The following ENDOD1 variants were observed in gnomAD, a reference collection of about 807,000 sequenced individuals.
ENDOD1 encodes endonuclease domain containing 1, also known as endonuclease domain-containing 1 protein.
Under a neutral mutation model 6.5 loss-of-function variants are expected in ENDOD1, and 9 were observed. That is an observed-to-expected ratio of 1.39 (90% confidence interval 0.84 to 2.43). The LOEUF (loss-of-function observed/expected upper bound fraction) is 2.43. ENDOD1 is among the 30% of genes most tolerant of loss of function. ENDOD1 has a pLI of 0.00. For synonymous variants in ENDOD1, 255 were observed against 255.2 expected, an observed-to-expected ratio of 1.00 and a Z score of 0.01; for missense variants, 648 against 635.5, an observed-to-expected ratio of 1.02 and a Z score of -0.21.
intron 1 of ENDOD1, among the ~76,000 whole-genome samples, chr11:95,095,039 GCACGCA>G (rs1555110163): frequency 1.5e-5 from 2 of 135,300 alleles, no homozygotes; most frequent in Non-Finnish European, 3.0e-5. Flanking sequence ...CTAGGCGTGT[GCACGCA>G]CACACACACA....
At chr11:95,100,922 A>G (rs565174479) in intron 1 of ENDOD1, among the ~76,000 whole-genome samples, 1 of 113,428 alleles carries the variant, frequency 8.8e-6, no homozygotes, top group South Asian at 3.0e-4. Context: ...TCAACTGCCC[A>G]TGATACTCTC....
At chr11:95,093,241 T>C (rs782407843) in intron 1 of ENDOD1, among the ~76,000 whole-genome samples, 5 of 152,250 alleles carry the variant, frequency 3.3e-5, no homozygotes, top group Non-Finnish European at 7.3e-5. Context: ...TTTCTCACCA[T>C]GCTCCACCCT....
At chr11:95,106,472 T>C (rs1859090325) in intron 1 of ENDOD1, among the ~76,000 whole-genome samples, 1 of 152,198 alleles carries the variant, frequency 6.6e-6, no homozygotes, top group Admixed American at 6.5e-5. Context: ...GGGAGGCCTA[T>C]GAATATGCCA....
At chr11:95,090,938 A>G (rs1300273308) in intron 1 of ENDOD1, among the ~76,000 whole-genome samples, 1 of 151,312 alleles carries the variant, frequency 6.6e-6, no homozygotes, top group Non-Finnish European at 1.5e-5. Flanking sequence ...GTTAAAAATG[A>G]TAGGGAAACA....
At chr11:95,105,278 G>A (rs1455585264) in intron 1 of ENDOD1, among the ~76,000 whole-genome samples, 1 of 152,130 alleles carries the variant, frequency 6.6e-6, no homozygotes, top group Non-Finnish European at 1.5e-5. Flanking sequence ...TCATGCTCAA[G>A]TCCCTTATGT....
At chr11:95,104,023 T>G (rs563697136) in intron 1 of ENDOD1, among the ~76,000 whole-genome samples, 1 of 152,216 alleles carries the variant, frequency 6.6e-6, no homozygotes, top group Non-Finnish European at 1.5e-5. Flanking sequence ...CAGCTTTTAG[T>G]CTGGATTCAG....
chr11:95,125,816 G>T (rs1232330091), intron 1 of ENDOD1, among the ~76,000 whole-genome samples: 1 of 152,112 alleles, frequency 6.6e-6, no homozygotes, highest in Admixed American at 6.6e-5. Context: ...GTGTATATGT[G>T]CCACAGTTTC....
chr11:95,098,466 A>G (rs1388690975), intron 1 of ENDOD1, among the ~76,000 whole-genome samples: 1 of 152,220 alleles, frequency 6.6e-6, no homozygotes, highest in Non-Finnish European at 1.5e-5. Context: ...AACCCAGCAC[A>G]TTAATTATGT....
intron 1 of ENDOD1, among the ~76,000 whole-genome samples, chr11:95,108,015 G>A (rs1859108103): frequency 6.6e-6 from 1 of 152,148 alleles, no homozygotes; most frequent in Admixed American, 6.6e-5. Flanking sequence ...GAAACTCCTC[G>A]CTGTGTGTGA....
chr11:95,128,272 G>A, intron 1 of ENDOD1, 105 bp from the exon 2 acceptor site: 2 of 1,350,316 alleles, frequency 1.5e-6, no homozygotes, highest in Non-Finnish European at 2.0e-6. Flanking sequence ...AGCGTTTGAA[G>A]TAATAGACCA....
Position 95,132,607 on chromosome 11 carries a change from G to A in ENDOD1, c.*3028G>A, listed in dbSNP as rs1277034119. 2 of 152,204 alleles carry A rather than the reference G, an allele frequency of 1.3e-5. No homozygotes were observed. The highest frequency in any genetic ancestry group is 3.2e-3 in the Middle Eastern group (1 of 316). The allele number at this position is 152,204 out of a possible 1,614,324, so 9.4% of individuals were successfully genotyped here. A position where few individuals can be genotyped will look rare whatever the true frequency, so the allele number is the denominator to read the frequency against. ...ACATTTTCAAGCTATGTACAATGAT[G>A]TGCACCTTGCAGATGCTCAATAAAG... On this transcript the variant is annotated 3_prime_UTR_variant, in exon 2 of 2. Transcript: ENST00000278505.
chr11:95,111,605 G>A (rs1859151245), intron 1 of ENDOD1, among the ~76,000 whole-genome samples: 1 of 151,916 alleles, frequency 6.6e-6, no homozygotes, highest in Non-Finnish European at 1.5e-5. Flanking sequence ...TCCCTCACAT[G>A]TGCAGTTCAC....
At chr11:95,093,281 G>A (rs930712942) in intron 1 of ENDOD1, among the ~76,000 whole-genome samples, 4 of 152,296 alleles carry the variant, frequency 2.6e-5, no homozygotes, top group Non-Finnish European at 2.9e-5. Flanking sequence ...TTATCCAGCT[G>A]CCTGGAGTTC....
intron 1 of ENDOD1, among the ~76,000 whole-genome samples, chr11:95,123,858 A>T (rs1859286626): frequency 6.6e-6 from 1 of 152,142 alleles, no homozygotes; most frequent in Non-Finnish European, 1.5e-5. Flanking sequence ...GAACTGAGAA[A>T]ATAACTCAGA....
At chr11:95,116,062 G>C (rs1859205827) in intron 1 of ENDOD1, among the ~76,000 whole-genome samples, 1 of 152,058 alleles carries the variant, frequency 6.6e-6, no homozygotes, top group African/African-American at 2.4e-5. Flanking sequence ...GAGTAGGATT[G>C]GTATTAGTTC....
chr11:95,101,117 A>G (rs117150170), intron 1 of ENDOD1, among the ~76,000 whole-genome samples: 2,227 of 152,284 alleles, frequency 0.015, 21 homozygotes, highest in Middle Eastern at 0.034. Flanking sequence ...TGAAGGGCTA[A>G]ATAGTAAATA....
intron 1 of ENDOD1, among the ~76,000 whole-genome samples, chr11:95,101,454 G>T (rs1356666759): frequency 6.6e-6 from 1 of 152,136 alleles, no homozygotes; most frequent in South Asian, 2.1e-4. Context: ...AGATGTACAC[G>T]TACAGACAGT....
intron 1 of ENDOD1, among the ~76,000 whole-genome samples, chr11:95,120,087 G>A (rs114677031): frequency 0.019 from 2,961 of 152,200 alleles, 102 homozygotes; most frequent in African/African-American, 0.067. Flanking sequence ...TCTGACCCAG[G>A]GCAGGTCCAG....
At chr11:95,113,016 GA>G (rs747472069) in intron 1 of ENDOD1, among the ~76,000 whole-genome samples, 32 of 150,602 alleles carry the variant, frequency 2.1e-4, no homozygotes, top group Non-Finnish European at 3.8e-4. Context: ...GCAAATTACT[GA>G]AGCTTTTTTT....
Sources: allele counts gnomAD v4.1 joint callset (sites outside exome capture counted in the v4.1 genomes callset), GRCh38; gene constraint gnomAD v4.1.1; transcripts MANE v1.5; gene names NCBI Gene and HGNC (gene_info 2026-07-23, HGNC 2026-07-21).